Variants in PLPPR5 observed in about 807,000 individuals in gnomAD.
PLPPR5 encodes phospholipid phosphatase-related protein type 5.
In PLPPR5, 16 loss-of-function variants were observed where a neutral mutation model predicts 33.9. The ratio of observed to expected loss-of-function variants is 0.47; its 90% CI spans 0.32 to 0.72. PLPPR5 has a LOEUF of 0.72. PLPPR5 is among the 30% of genes least tolerant of loss of function. PLPPR5 has a pLI of 0.03. For missense variants in PLPPR5, 301 were observed against 406.7 expected (o/e 0.74, Z 2.23); for synonymous variants, 163 against 150.3 (o/e 1.08, Z -0.62).
At chr1:98,956,837 A>T (rs1651028462) in intron 1 of PLPPR5, 96 bp from the exon 2 acceptor site, 2 of 932,472 alleles carry the variant, frequency 2.1e-6, no homozygotes, top group Non-Finnish European at 3.0e-6. Context: ...GCCCCTTTGA[A>T]TGGTAATAAT....
At chr1:98,973,789 G>A (rs1012915494) in intron 1 of PLPPR5, among the ~76,000 whole-genome samples, 1 of 151,504 alleles carries the variant, frequency 6.6e-6, no homozygotes, top group African/African-American at 2.4e-5. Context: ...TAGATACAGG[G>A]GCCTAATGGG....
At chr1:98,923,114 G>A (rs77046619) in intron 3 of PLPPR5, among the ~76,000 whole-genome samples, 125 of 152,282 alleles carry the variant, frequency 8.2e-4, no homozygotes, top group Non-Finnish European at 1.5e-3. Context: ...AACATATGGT[G>A]TCAATTGATT....
chr1:98,992,026 C>A (rs1312613907), intron 1 of PLPPR5, among the ~76,000 whole-genome samples: 1 of 151,954 alleles, frequency 6.6e-6, no homozygotes, highest in Non-Finnish European at 1.5e-5. Context: ...TTATCTTATG[C>A]AGAATATATA....
At chr1:98,923,751 T>A (rs1385922600) in intron 3 of PLPPR5, among the ~76,000 whole-genome samples, 2 of 152,220 alleles carry the variant, frequency 1.3e-5, no homozygotes, top group Non-Finnish European at 2.9e-5. Flanking sequence ...AAAAGCTTGA[T>A]AATTTCAGTT....
At chr1:98,992,425 C>T (rs1178493090) in intron 1 of PLPPR5, among the ~76,000 whole-genome samples, 1 of 152,064 alleles carries the variant, frequency 6.6e-6, no homozygotes, top group Non-Finnish European at 1.5e-5. Flanking sequence ...TAAGCAGTTG[C>T]CAAACTAATG....
chr1:98,922,369 T>G (rs995733499), intron 3 of PLPPR5, among the ~76,000 whole-genome samples: 1 of 152,208 alleles, frequency 6.6e-6, no homozygotes, highest in Non-Finnish European at 1.5e-5. Context: ...TTATTCTTAC[T>G]GTATCCATTC....
At chr1:98,956,512 A>G in intron 2 of PLPPR5, 97 bp downstream of exon 2, 6 of 1,208,446 alleles carry the variant, frequency 5.0e-6, no homozygotes, top group Non-Finnish European at 6.7e-6. Context: ...AAAAACCCCT[A>G]ATATTTGCAA....
At chr1:98,935,890 G>A (rs1650153744) in intron 3 of PLPPR5, among the ~76,000 whole-genome samples, 1 of 152,114 alleles carries the variant, frequency 6.6e-6, no homozygotes, top group African/African-American at 2.4e-5. Context: ...AAAAACTACA[G>A]AGACATTCGC....
At chr1:98,935,129 A>G (rs1329463) in intron 3 of PLPPR5, among the ~76,000 whole-genome samples, 80,956 of 151,874 alleles carry the variant, frequency 0.53, 21,848 homozygotes, top group East Asian at 0.76. Context: ...CAAAATGAAA[A>G]TGAATGACAG....
chr1:98,993,426 A>G (rs994057940), intron 1 of PLPPR5, among the ~76,000 whole-genome samples: 1 of 152,080 alleles, frequency 6.6e-6, no homozygotes, highest in African/African-American at 2.4e-5. Flanking sequence ...TATTCATGTG[A>G]TAAGGAGCCA....
intron 3 of PLPPR5, among the ~76,000 whole-genome samples, chr1:98,940,845 G>A (rs920703764): frequency 6.6e-6 from 1 of 151,870 alleles, no homozygotes; most frequent in Non-Finnish European, 1.5e-5. Context: ...TGTGGAAGAG[G>A]GAGGAGCTGA....
intron 1 of PLPPR5, among the ~76,000 whole-genome samples, chr1:98,990,154 A>C (rs1393077537): frequency 1.3e-5 from 2 of 152,176 alleles, no homozygotes; most frequent in African/African-American, 4.8e-5. Context: ...GGATTACCTG[A>C]GATCAGGAGT....
intron 1 of PLPPR5, among the ~76,000 whole-genome samples, chr1:99,001,587 GAAAC>G (rs1195849460): frequency 2.0e-5 from 3 of 148,800 alleles, no homozygotes; most frequent in African/African-American, 7.4e-5. Flanking sequence ...TAGCAAGTAT[GAAAC>G]AAATCTGTAG....
intron 3 of PLPPR5, among the ~76,000 whole-genome samples, chr1:98,944,999 A>AT (rs1650502466): frequency 6.6e-6 from 1 of 152,234 alleles, no homozygotes; most frequent in South Asian, 2.1e-4. Flanking sequence ...GCTGCTCATT[A>AT]TAAGTTGTTG....
intron 3 of PLPPR5, among the ~76,000 whole-genome samples, chr1:98,933,787 G>T (rs1650072866): frequency 6.6e-6 from 1 of 152,200 alleles, no homozygotes; most frequent in African/African-American, 2.4e-5. Context: ...GGATGGGGTT[G>T]TCTCTGATGC....
At chr1:98,906,829 T>G (rs1239422539) in intron 5 of PLPPR5, among the ~76,000 whole-genome samples, 2 of 152,148 alleles carry the variant, frequency 1.3e-5, no homozygotes, top group Non-Finnish European at 2.9e-5. Flanking sequence ...GGAAGAAAAT[T>G]TCCTTTAAAG....
chr1:98,944,945 C>A (rs1367462139), intron 3 of PLPPR5, among the ~76,000 whole-genome samples: 1 of 152,140 alleles, frequency 6.6e-6, no homozygotes, highest in Non-Finnish European at 1.5e-5. Context: ...AAAGCAGACT[C>A]GAGCATGTTA....
intron 1 of PLPPR5, among the ~76,000 whole-genome samples, chr1:98,976,504 GAAA>G (rs1404854437): frequency 4.0e-5 from 6 of 151,872 alleles, no homozygotes; most frequent in Non-Finnish European, 8.8e-5. Flanking sequence ...TAAACCCACA[GAAA>G]AAGTAGACTA....
intron 3 of PLPPR5, among the ~76,000 whole-genome samples, chr1:98,922,328 G>GCACACC (rs1649585862): frequency 6.6e-6 from 1 of 152,096 alleles, no homozygotes; most frequent in Admixed American, 6.6e-5. Flanking sequence ...GAAACACCAA[G>GCACACC]CACAGATAGT....
Sources: allele counts gnomAD v4.1 joint callset (sites outside exome capture counted in the v4.1 genomes callset), GRCh38; gene constraint gnomAD v4.1.1; transcripts MANE v1.5; gene names NCBI Gene and HGNC (gene_info 2026-07-23, HGNC 2026-07-21).